The following PAPOLG variants were observed in gnomAD, a reference collection of about 807,000 sequenced individuals.
PAPOLG encodes PAP-gamma.
Under a neutral mutation model 99.0 loss-of-function variants are expected in PAPOLG, and 40 were observed. That is an observed-to-expected ratio of 0.40 (90% confidence interval 0.31 to 0.53). The LOEUF (loss-of-function observed/expected upper bound fraction) is 0.53, where lower values mean the gene tolerates loss of function less well. PAPOLG is among the 20% of genes least tolerant of loss of function. The pLI, the probability that PAPOLG is intolerant of heterozygous loss-of-function variation, is 0.41. For synonymous variants in PAPOLG, 310 were observed against 299.3 expected (o/e 1.04, Z -0.37); for missense variants, 675 against 884.1 (o/e 0.76, Z 3.00).
intron 13 of PAPOLG, among the ~76,000 whole-genome samples, chr2:60,783,429 G>GACCTCAGGTGATCCGCCC (rs1169164318): frequency 2.2e-5 from 3 of 133,692 alleles, no homozygotes; most frequent in Non-Finnish European, 4.6e-5. Flanking sequence ...TCGAGCTCCT[G>GACCTCAGGTGATCCGCCC]ACCTCAGGTG....
chr2:60,758,632 T>C (rs1030085513), intron 1 of PAPOLG, among the ~76,000 whole-genome samples: 1 of 152,126 alleles, frequency 6.6e-6, no homozygotes, highest in Non-Finnish European at 1.5e-5. Flanking sequence ...TTTCACCATG[T>C]TGGCCAGGCT....
At chr2:60,793,866 AAGCCACTGCACTGC>A (rs2103826762) in intron 18 of PAPOLG, 91 bp from the exon 19 acceptor site, 1 of 1,421,974 alleles carries the variant, frequency 7.0e-7, no homozygotes, top group African/African-American at 1.4e-5. Context: ...AGCTGTGATC[AAGCCACTGCACTGC>A]AGCCTGGGTG....
intron 15 of PAPOLG, among the ~76,000 whole-genome samples, chr2:60,788,318 GTTTTA>G (rs1398288183): frequency 2.6e-5 from 4 of 151,930 alleles, no homozygotes; most frequent in Admixed American, 2.0e-4. Context: ...AATGTTATCT[GTTTTA>G]TTTTATTTTG....
In PAPOLG at chr2:60,756,456, T is replaced by C; in HGVS notation, c.-23T>C. 1 of 1,599,080 alleles carries C rather than the reference T, an allele frequency of 6.3e-7. No individual in the cohort carries two copies. The highest frequency in any genetic ancestry group is 8.5e-7 in the Non-Finnish European group (1 of 1,173,508). On this transcript the variant is annotated 5_prime_UTR_variant, in exon 1 of 22. Coordinates refer to ENST00000238714, the MANE Select transcript of PAPOLG (RefSeq NM_022894.4). The stretch of plus-strand genomic sequence containing the variant: ...GGACTCCAGAGCGATAAACACTCGC[T>C]GGAGAGGGAGACGCAGGAAGCGATG...
chr2:60,760,703 C>A (rs1481372718), intron 2 of PAPOLG, among the ~76,000 whole-genome samples: 1 of 152,056 alleles, frequency 6.6e-6, no homozygotes, highest in East Asian at 1.9e-4. Flanking sequence ...GGTGTCTGAG[C>A]AGTGAGGAAG....
Position 60,791,848 on chromosome 2 carries a change from A to G in PAPOLG, c.1484A>G (p.Tyr495Cys), listed in dbSNP as rs745679989. The G allele has an allele frequency of 1.2e-6, 2 of 1,613,378 alleles. No individual in the cohort carries two copies. The highest frequency in any genetic ancestry group is 2.2e-5 in the East Asian group (1 of 44,858). Residue 495 changes from tyrosine (Y) to cysteine (C), a missense_variant, in exon 16 of 22, where the codon TAC becomes TGC. By Grantham distance (194) the Tyr-to-Cys change is radical. Around this residue, in one of 3 missense-constraint regions of PAPOLG, gnomAD observed 413 missense variants for 460.5 expected, o/e 0.90. Transcript: ENST00000238714. ...THVKKKQLHHYLPAEILQKKK... is the reference protein window; with the variant it reads ...THVKKKQLHHCLPAEILQKKK... Reference sequence around the variant, plus strand: ...GTAAAGAAAAAACAACTTCACCACTACCTTCCTGCAGAAATTCTTCAAAAG... The same window carrying G: ...GTAAAGAAAAAACAACTTCACCACTGCCTTCCTGCAGAAATTCTTCAAAAG...
chr2:60,758,327 G>GT (rs1558669472), intron 1 of PAPOLG, among the ~76,000 whole-genome samples: 83 of 110,476 alleles, frequency 7.5e-4, no homozygotes, highest in African/African-American at 2.6e-3. Context: ...TGGTTTCTGG[G>GT]GTTTTTTTTT....
At position 60,797,465 on chromosome 2, in the gene PAPOLG, G is replaced by T; in HGVS notation, c.*305G>T. 3.3e-6 allele frequency: 1 copy of T among 301,038 alleles called. No individual in the cohort carries two copies. The highest frequency in any genetic ancestry group is 6.2e-6 in the Non-Finnish European group (1 of 161,218). The allele number at this position is 301,038 out of a possible 1,614,324, so 18.6% of individuals were successfully genotyped here. On this transcript the variant is annotated 3_prime_UTR_variant, in exon 22 of 22. Coordinates refer to ENST00000238714, the MANE Select transcript of PAPOLG (RefSeq NM_022894.4). ...CTTTCAATGCTTGTTATGGGAACCA[G>T]TTCTTAGCCACTTGGACACTGATAA... is the stretch of plus-strand genomic sequence containing the variant.
At chr2:60,765,194 A>G (rs918031399) in intron 3 of PAPOLG, among the ~76,000 whole-genome samples, 2 of 151,286 alleles carry the variant, frequency 1.3e-5, no homozygotes, top group Admixed American at 1.3e-4. Context: ...CCAGCCCCCC[A>G]AGTAGCAGAG....
rs1671738460 is a variant in PAPOLG, at chr2:60,797,203, G to A, written c.*43G>A. 9 of 1,604,490 alleles carry A rather than the reference G, an allele frequency of 5.6e-6. No individual in the cohort carries two copies. Among genetic ancestry groups the A allele is most frequent in the Non-Finnish European group, 6.8e-6 (8 of 1,172,184 alleles). Reference sequence around the variant, plus strand: ...TTAAGTGAACAAGCAATCATTTAGTGGCATAGATGCAGCCACTTGTTTTTT... The same window carrying A: ...TTAAGTGAACAAGCAATCATTTAGTAGCATAGATGCAGCCACTTGTTTTTT... On this transcript the variant is annotated 3_prime_UTR_variant, in exon 22 of 22. Coordinates refer to ENST00000238714, the MANE Select transcript of PAPOLG (RefSeq NM_022894.4).
At chr2:60,762,533 T>G (rs1670549228) in intron 3 of PAPOLG, among the ~76,000 whole-genome samples, 1 of 152,194 alleles carries the variant, frequency 6.6e-6, no homozygotes, top group African/African-American at 2.4e-5. Context: ...TTTGCATACT[T>G]TCAGTCATTT....
intron 15 of PAPOLG, among the ~76,000 whole-genome samples, chr2:60,790,486 A>C (rs868278856): frequency 6.6e-6 from 1 of 152,198 alleles, no homozygotes; most frequent in Non-Finnish European, 1.5e-5. Flanking sequence ...TGTGGTAGTT[A>C]ATAAAACCTG....
chr2:60,791,378 C>T (rs761558082), intron 15 of PAPOLG: 3 of 161,860 alleles, frequency 1.9e-5, no homozygotes, highest in Non-Finnish European at 2.7e-5. Flanking sequence ...TGGAGAAACC[C>T]AGTCTCTACG....
chr2:60,768,991 TAGG>T, intron 5 of PAPOLG, 101 bp downstream of exon 5: 1 of 856,808 alleles, frequency 1.2e-6, no homozygotes, highest in Non-Finnish European at 1.7e-6. Flanking sequence ...AAGTTACTAT[TAGG>T]AGGTATTTAA....
chr2:60,797,800 T>C lies in PAPOLG; in HGVS notation c.*640T>C, dbSNP rs1357778255. On this transcript the variant is annotated 3_prime_UTR_variant, in exon 22 of 22. Coordinates refer to ENST00000238714, the MANE Select transcript of PAPOLG (RefSeq NM_022894.4). ...TGTGCCTTTCTGTCCAAATGTTGCA[T>C]AGTTACCAGGGAAGATTAGTCCAGT... The C allele has an allele frequency of 1.3e-5, 2 of 152,776 alleles. No individual in the cohort carries two copies. The highest frequency in any genetic ancestry group is 4.8e-5 in the African/African-American group (2 of 41,450). 9.5% of individuals were successfully genotyped at this position (152,776 alleles called of 1,614,324 possible). A position where few individuals can be genotyped will look rare whatever the true frequency, so the allele number is the denominator to read the frequency against.
At chr2:60,759,955 TCATAAA>T (rs1180142101) in intron 1 of PAPOLG, 173 bp from the exon 2 acceptor site, 1 of 187,904 alleles carries the variant, frequency 5.3e-6, no homozygotes, top group Non-Finnish European at 9.9e-6. Context: ...AATAGCCCCT[TCATAAA>T]CATAAACATA....
intron 21 of PAPOLG, 45 bp from the exon 22 acceptor site, chr2:60,797,006 CTTTATAATATA>C: frequency 6.2e-7 from 1 of 1,600,886 alleles, no homozygotes; most frequent in Non-Finnish European, 8.5e-7. Flanking sequence ...CTAGCTGGGC[CTTTATAATATA>C]TATGATGTGC....
chr2:60,788,041 A>C (rs1202455528), intron 15 of PAPOLG, among the ~76,000 whole-genome samples: 1 of 151,964 alleles, frequency 6.6e-6, no homozygotes, highest in Non-Finnish European at 1.5e-5. Context: ...GACTGTCTCA[A>C]AAAAAGAAAA....
chr2:60,791,191 A>T (rs757748191), intron 15 of PAPOLG, among the ~76,000 whole-genome samples: 4 of 152,198 alleles, frequency 2.6e-5, no homozygotes, highest in Non-Finnish European at 5.9e-5. Flanking sequence ...ACCGTTTTTT[A>T]AATATATTTA....
Sources: allele counts gnomAD v4.1 joint callset (sites outside exome capture counted in the v4.1 genomes callset), GRCh38; gene constraint gnomAD v4.1.1; regional missense constraint gnomAD v4.1.1; transcripts MANE v1.5; gene names NCBI Gene and HGNC (gene_info 2026-07-23, HGNC 2026-07-21).